ZBTB7C: variants seen among roughly 807,000 people sequenced by gnomAD.
ZBTB7C encodes zinc finger and BTB domain-containing protein 7C.
ZBTB7C carries 8 observed loss-of-function variants against 25.7 expected under a neutral mutation model. That is an observed-to-expected ratio of 0.31 (90% CI 0.18 to 0.56). The LOEUF (loss-of-function observed/expected upper bound fraction) is 0.56. Among genes scored for constraint, ZBTB7C ranks in the 20% least tolerant of loss-of-function variants. The pLI is 0.91. For missense variants in ZBTB7C, 824 were observed against 855.2 expected, an observed-to-expected ratio of 0.96 and a Z score of 0.46; for synonymous variants, 394 against 369.0, an observed-to-expected ratio of 1.07 and a Z score of -0.78.
intron 3 of ZBTB7C, among the ~76,000 whole-genome samples, chr18:48,063,480 T>A (rs28465195): frequency 0.019 from 2,860 of 151,840 alleles, 87 homozygotes; most frequent in African/African-American, 0.065. Context: ...GACAGTAGGG[T>A]GACAGAACAT....
intron 3 of ZBTB7C, among the ~76,000 whole-genome samples, chr18:48,158,887 C>T (rs775864358): frequency 6.6e-6 from 1 of 152,200 alleles, no homozygotes; most frequent in Non-Finnish European, 1.5e-5. Context: ...GGGGAAGGGA[C>T]AGGCTACAGG....
chr18:48,180,907 T>C (rs2041901662), intron 3 of ZBTB7C, among the ~76,000 whole-genome samples: 3 of 152,204 alleles, frequency 2.0e-5, no homozygotes. Context: ...ATGCAGTCCA[T>C]TTTAAGTTTT....
intron 2 of ZBTB7C, among the ~76,000 whole-genome samples, chr18:48,186,899 A>T (rs2145136242): frequency 6.6e-6 from 1 of 152,350 alleles, no homozygotes; most frequent in Non-Finnish European, 1.5e-5. Flanking sequence ...GGCACAAAGC[A>T]TTTGCTACCT....
At chr18:48,392,435 G>A (rs2047923913) in intron 1 of ZBTB7C, among the ~76,000 whole-genome samples, 1 of 152,188 alleles carries the variant, frequency 6.6e-6, no homozygotes, top group Non-Finnish European at 1.5e-5. Flanking sequence ...TGCAAGCTAT[G>A]GCTGTGTTTC....
intron 3 of ZBTB7C, chr18:48,136,928 C>G (rs958526732): frequency 2.4e-5 from 23 of 965,834 alleles, no homozygotes; most frequent in African/African-American, 3.5e-5. Flanking sequence ...TCCCCCACCC[C>G]CTCCCCACGG....
At chr18:48,093,618 C>CAAAA (rs61347643) in intron 3 of ZBTB7C, among the ~76,000 whole-genome samples, 1 of 150,744 alleles carries the variant, frequency 6.6e-6, no homozygotes, top group Admixed American at 6.6e-5. Flanking sequence ...TAAAAAAAAA[C>CAAAA]AAAAAAAACA....
chr18:48,134,695 T>C (rs921403391), intron 3 of ZBTB7C, among the ~76,000 whole-genome samples: 1 of 152,130 alleles, frequency 6.6e-6, no homozygotes, highest in Non-Finnish European at 1.5e-5. Flanking sequence ...ATCAGCAGGG[T>C]GACACCCTGG....
At chr18:48,032,809 A>G (rs1296092188) in intron 4 of ZBTB7C, among the ~76,000 whole-genome samples, 1 of 152,018 alleles carries the variant, frequency 6.6e-6, no homozygotes, top group Admixed American at 6.5e-5. Flanking sequence ...CAAACAATGG[A>G]CAATATAAGT....
At chr18:48,409,866 G>A (rs987415982), upstream of ZBTB7C, among the ~76,000 whole-genome samples, 1 of 152,124 alleles carries the variant, frequency 6.6e-6, no homozygotes, top group African/African-American at 2.4e-5. Context: ...GGGGCCAGGC[G>A]GCCGCCGTTT....
chr18:48,294,020 C>A (rs1347071551), intron 2 of ZBTB7C, among the ~76,000 whole-genome samples: 1 of 152,208 alleles, frequency 6.6e-6, no homozygotes, highest in South Asian at 2.1e-4. Context: ...GGAGCTTGGG[C>A]CTGGGCCTGC....
intron 3 of ZBTB7C, among the ~76,000 whole-genome samples, chr18:48,100,763 C>A (rs1396170818): frequency 1.3e-5 from 2 of 152,108 alleles, no homozygotes; most frequent in African/African-American, 4.8e-5. Flanking sequence ...CTGAAGCAAC[C>A]CCCTGGGGAA....
intron 3 of ZBTB7C, among the ~76,000 whole-genome samples, chr18:48,126,948 G>C (rs1335897027): frequency 2.0e-5 from 3 of 152,120 alleles, no homozygotes; most frequent in Non-Finnish European, 4.4e-5. Flanking sequence ...AGGAGGAAAG[G>C]GGGAGGGAAA....
rs7228740 is a variant in ZBTB7C at position 48,320,903 on chromosome 18, G to A, written c.-79+17271C>T. Among the ~76,000 whole-genome samples the A allele has an allele frequency of 8.4e-3, 1,277 of 152,318 alleles. 23 individuals are homozygous for A. Among genetic ancestry groups the A allele is most frequent in the African/African-American group, 0.029 (1,198 of 41,558 alleles). On this transcript the variant is annotated intron_variant, in intron 2 of 4. Coordinates refer to ENST00000590800, the MANE Select transcript of ZBTB7C (RefSeq NM_001318841.2). ...GGCTGACTATCCTTCCCCACCCAGG[G>A]CCTGCCAGCCCCATGCCTGCCTCCC...
chr18:48,251,710 G>A (rs911339307), intron 2 of ZBTB7C, among the ~76,000 whole-genome samples: 1 of 152,206 alleles, frequency 6.6e-6, no homozygotes, highest in African/African-American at 2.4e-5. Context: ...AAAGATCAGG[G>A]CGGGATGGCC....
At chr18:48,136,496 C>A (rs1473066002) in intron 3 of ZBTB7C, among the ~76,000 whole-genome samples, 1 of 152,218 alleles carries the variant, frequency 6.6e-6, no homozygotes, top group African/African-American at 2.4e-5. Context: ...TGCCAAGTTG[C>A]CATGGCTTTT....
chr18:48,348,750 G>A (rs777602594), intron 1 of ZBTB7C, among the ~76,000 whole-genome samples: 1 of 152,266 alleles, frequency 6.6e-6, no homozygotes, highest in African/African-American at 2.4e-5. Context: ...CTGGGAGGCA[G>A]AGGTTGCAGT....
chr18:48,339,825 T>C (rs62086511), intron 1 of ZBTB7C, among the ~76,000 whole-genome samples: 22,409 of 152,130 alleles, frequency 0.15, 2,072 homozygotes, highest in Middle Eastern at 0.28. Context: ...GACAAGAATG[T>C]GGAGGCTCCT....
chr18:48,269,923 G>A (rs1176106906), intron 2 of ZBTB7C, among the ~76,000 whole-genome samples: 10 of 152,102 alleles, frequency 6.6e-5, no homozygotes, highest in Non-Finnish European at 1.2e-4. Context: ...CAAATTCTCA[G>A]ATTAAATAAA....
chr18:48,202,158 T>C (rs2042466069), intron 2 of ZBTB7C, among the ~76,000 whole-genome samples: 1 of 152,230 alleles, frequency 6.6e-6, no homozygotes, highest in Non-Finnish European at 1.5e-5. Flanking sequence ...TAGGCCACTC[T>C]GTGCATCAGG....
Sources: allele counts gnomAD v4.1 joint callset (sites outside exome capture counted in the v4.1 genomes callset), GRCh38; gene constraint gnomAD v4.1.1; transcripts MANE v1.5; gene names NCBI Gene and HGNC (gene_info 2026-07-23, HGNC 2026-07-21).